The following MAF variants were observed in gnomAD, a reference collection of about 807,000 sequenced individuals.
MAF encodes the protein MAF bZIP transcription factor, also known as transcription factor Maf.
In MAF, 10 loss-of-function variants were observed where a neutral mutation model predicts 22.0. The observed-to-expected ratio is 0.45, with a 90% CI of 0.28 to 0.77. The LOEUF (loss-of-function observed/expected upper bound fraction) is 0.77. Among genes scored for constraint, MAF ranks in the 30% least tolerant of loss-of-function variants. The pLI is 0.12. For missense variants in MAF, 544 were observed against 548.4 expected (o/e 0.99, Z 0.08); for synonymous variants, 337 against 255.8 (o/e 1.32, Z -3.03).
chr16:79,598,292 C>T (rs1482052575), intron 1 of MAF: 1 of 970,462 alleles, frequency 1.0e-6, no homozygotes, highest in African/African-American at 1.7e-5. Flanking sequence ...CAAAATAAAA[C>T]ACACACACAC....
chr16:79,512,888 G>T, the MAF span, among the ~76,000 whole-genome samples: 1 of 152,190 alleles, frequency 6.6e-6, no homozygotes, highest in Non-Finnish European at 1.5e-5. Flanking sequence ...CACACGTGCT[G>T]TATACCTGTA....
the MAF span, among the ~76,000 whole-genome samples, chr16:79,415,251 G>C: frequency 7.1e-6 from 1 of 140,148 alleles, no homozygotes; most frequent in Non-Finnish European, 1.6e-5. Flanking sequence ...AAATTTTAGA[G>C]ACAGAAGGAA....
the MAF span, among the ~76,000 whole-genome samples, chr16:79,213,620 G>A: frequency 6.6e-6 from 1 of 152,146 alleles, no homozygotes; most frequent in Non-Finnish European, 1.5e-5. Flanking sequence ...CCATCATAGG[G>A]AACGGCTCCT....
At chr16:79,367,804 T>C in the MAF span, among the ~76,000 whole-genome samples, 2 of 152,240 alleles carry the variant, frequency 1.3e-5, no homozygotes, top group Non-Finnish European at 1.5e-5. Context: ...TAGTACATTG[T>C]AGGCACTCAA....
the MAF span, chr16:79,206,222 ACATGGCCTGG>A: frequency 1.3e-5 from 2 of 152,278 alleles, no homozygotes; most frequent in Non-Finnish European, 2.9e-5. Flanking sequence ...TCATGGCCAG[ACATGGCCTGG>A]CTGAGAAGGC....
the MAF span, among the ~76,000 whole-genome samples, chr16:79,559,166 G>C: frequency 5.3e-5 from 8 of 152,096 alleles, no homozygotes; most frequent in Admixed American, 2.0e-4. Context: ...GCTAGTAACC[G>C]GCTTGCACCA....
At chr16:79,589,591 G>C (rs1436347418), downstream of MAF, among the ~76,000 whole-genome samples, 1 of 152,166 alleles carries the variant, frequency 6.6e-6, no homozygotes, top group Non-Finnish European at 1.5e-5. Context: ...AGGGTTCCTG[G>C]GGCCGCGATC....
the MAF span, among the ~76,000 whole-genome samples, chr16:79,440,460 G>A: frequency 1.8e-3 from 281 of 152,102 alleles, no homozygotes; most frequent in African/African-American, 6.3e-3. Context: ...CTTTTGGGAC[G>A]GAGTCTCGTT....
the MAF span, among the ~76,000 whole-genome samples, chr16:79,216,319 G>C: frequency 2.6e-5 from 4 of 152,094 alleles, no homozygotes; most frequent in Non-Finnish European, 5.9e-5. Flanking sequence ...ACATATATGT[G>C]GCACATGTGC....
At chr16:79,513,356 G>A in the MAF span, among the ~76,000 whole-genome samples, 2 of 152,230 alleles carry the variant, frequency 1.3e-5, no homozygotes, top group South Asian at 2.1e-4. Flanking sequence ...CTTGCAGAAT[G>A]TCAAGTTCCC....
chr16:79,420,562 C>A, the MAF span, among the ~76,000 whole-genome samples: 10 of 152,276 alleles, frequency 6.6e-5, no homozygotes, highest in South Asian at 1.9e-3. Context: ...CGGCCTCCCC[C>A]ACTAACAACC....
chr16:79,489,906 A>G, the MAF span, among the ~76,000 whole-genome samples: 1 of 152,180 alleles, frequency 6.6e-6, no homozygotes, highest in Non-Finnish European at 1.5e-5. Flanking sequence ...GGCAATGTCC[A>G]GAAGCTGAGC....
the MAF span, among the ~76,000 whole-genome samples, chr16:79,531,591 T>C: frequency 6.6e-6 from 1 of 152,134 alleles, no homozygotes; most frequent in Non-Finnish European, 1.5e-5. Context: ...CATCAGGCAT[T>C]AGATTCTCAT....
At chr16:79,571,520 T>C in the MAF span, among the ~76,000 whole-genome samples, 1 of 142,042 alleles carries the variant, frequency 7.0e-6, no homozygotes, top group Admixed American at 7.5e-5. Flanking sequence ...GAAAAAAACA[T>C]CTCAGCGGAA....
At chr16:79,280,154 C>T in the MAF span, among the ~76,000 whole-genome samples, 11 of 152,224 alleles carry the variant, frequency 7.2e-5, no homozygotes, top group Non-Finnish European at 1.5e-4. Flanking sequence ...GAAAAAATTA[C>T]ATTTAGGAAA....
At chr16:79,289,198 T>G in the MAF span, among the ~76,000 whole-genome samples, 1 of 151,866 alleles carries the variant, frequency 6.6e-6, no homozygotes, top group Admixed American at 6.6e-5. Flanking sequence ...AAGCAGGGAG[T>G]GGCACGGTGT....
the MAF span, among the ~76,000 whole-genome samples, chr16:79,364,433 C>T: frequency 6.6e-6 from 1 of 152,114 alleles, no homozygotes; most frequent in African/African-American, 2.4e-5. Flanking sequence ...GATGCTCCAG[C>T]CAGGCTGGGT....
intron 1 of MAF, chr16:79,596,296 A>G (rs1220810923): frequency 7.6e-6 from 8 of 1,059,440 alleles, no homozygotes; most frequent in Admixed American, 1.1e-4. Context: ...ATCTATATTA[A>G]ATATTGCTAA....
At chr16:79,499,421 G>A in the MAF span, among the ~76,000 whole-genome samples, 2 of 152,210 alleles carry the variant, frequency 1.3e-5, no homozygotes, top group South Asian at 2.1e-4. Flanking sequence ...AAAGCCCATG[G>A]CATAGAAGCT....
Sources: allele counts gnomAD v4.1 joint callset (sites outside exome capture counted in the v4.1 genomes callset), GRCh38; gene constraint gnomAD v4.1.1; transcripts MANE v1.5; gene names NCBI Gene and HGNC (gene_info 2026-07-23, HGNC 2026-07-21).